SYN3: variants seen among roughly 807,000 people sequenced by gnomAD.
The protein encoded by SYN3 is synapsin-3.
SYN3 carries 35 observed loss-of-function variants against 65.8 expected under a neutral mutation model. The ratio of observed to expected loss-of-function variants is 0.53; its 90% CI spans 0.41 to 0.70. The LOEUF (loss-of-function observed/expected upper bound fraction) is 0.70. Among genes scored for constraint, SYN3 ranks in the 30% least tolerant of loss-of-function variants. The pLI is 0.00. For synonymous variants in SYN3, 270 were observed against 292.9 expected, an observed-to-expected ratio of 0.92 and a Z score of 0.80; for missense variants, 680 against 749.0, an observed-to-expected ratio of 0.91 and a Z score of 1.08.
At chr22:32,572,962 G>GC (rs1465468205) in intron 7 of SYN3, among the ~76,000 whole-genome samples, 1 of 152,252 alleles carries the variant, frequency 6.6e-6, no homozygotes, top group African/African-American at 2.4e-5. Flanking sequence ...AGGGCTGGAA[G>GC]CAATGGTGTC....
At chr22:32,872,587 T>C (rs137494) in intron 4 of SYN3, among the ~76,000 whole-genome samples, 35,667 of 152,202 alleles carry the variant, frequency 0.23, 4,670 homozygotes, top group East Asian at 0.5. Flanking sequence ...GCATGTGTTA[T>C]AGAGTGAATT....
At chr22:32,964,114 C>T (rs2051746646) in intron 3 of SYN3, among the ~76,000 whole-genome samples, 1 of 151,948 alleles carries the variant, frequency 6.6e-6, no homozygotes, top group Non-Finnish European at 1.5e-5. Context: ...ACGACATGAA[C>T]CTCAGGGCTG....
intron 6 of SYN3, among the ~76,000 whole-genome samples, chr22:32,615,639 G>A (rs1223862110): frequency 6.6e-6 from 1 of 151,990 alleles, no homozygotes; most frequent in African/African-American, 2.4e-5. Context: ...GGGATAGCAC[G>A]CTCTAATAAG....
chr22:32,836,940 T>C lies in SYN3; in HGVS notation c.711+27975A>G, dbSNP rs559199222. Among the ~76,000 whole-genome samples, 68 of 152,334 alleles carry C rather than the reference T, an allele frequency of 4.5e-4. 1 individual carries two copies. Among genetic ancestry groups the C allele is most frequent in the African/African-American group, 1.6e-3 (66 of 41,592 alleles). ...AAGAAAGTCTCCTGCCCACTCCTGG[T>C]GCATTCTGGGAACAGATTTGCTGTC... On this transcript the variant is annotated intron_variant, in intron 6 of 13. Coordinates refer to ENST00000358763, the MANE Select transcript of SYN3 (RefSeq NM_003490.4).
intron 1 of SYN3, among the ~76,000 whole-genome samples, chr22:33,038,889 G>A (rs2053909631): frequency 6.6e-6 from 1 of 152,200 alleles, no homozygotes; most frequent in African/African-American, 2.4e-5. Flanking sequence ...GCAGGCGGAA[G>A]CCCCGGGGCT....
chr22:32,565,848 G>A lies in SYN3; in HGVS notation c.775-24135C>T, dbSNP rs139971846. On this transcript the variant is annotated intron_variant, in intron 7 of 13. Transcript: ENST00000358763. ...TGCCTCAGCCCCCCCGAGTAGCTGC[G>A]ACTACAGGCACCCACCACCACGCCC... is the stretch of plus-strand genomic sequence containing the variant. Among the ~76,000 whole-genome samples the A allele has an allele frequency of 6.5e-3, 989 of 151,926 alleles. 15 individuals are homozygous for A. The highest frequency in any genetic ancestry group is 0.022 in the African/African-American group (925 of 41,414).
At chr22:32,606,315 T>G (rs1403725091) in intron 6 of SYN3, among the ~76,000 whole-genome samples, 2 of 152,276 alleles carry the variant, frequency 1.3e-5, no homozygotes, top group East Asian at 3.9e-4. Flanking sequence ...GTGGTAGACA[T>G]TTAAAACAGA....
intron 1 of SYN3, among the ~76,000 whole-genome samples, chr22:33,014,816 G>A (rs1447953630): frequency 1.3e-5 from 2 of 152,184 alleles, no homozygotes; most frequent in Non-Finnish European, 2.9e-5. Flanking sequence ...GACAAGAGTC[G>A]TAGAAGCGGT....
chr22:33,019,006 C>T (rs1345623263), intron 1 of SYN3, among the ~76,000 whole-genome samples: 1 of 152,162 alleles, frequency 6.6e-6, no homozygotes, highest in Non-Finnish European at 1.5e-5. Flanking sequence ...GCTCTCTCCC[C>T]TTGCCTATTA....
chr22:32,533,398 T>A (rs1490584180), intron 10 of SYN3, among the ~76,000 whole-genome samples: 1 of 152,090 alleles, frequency 6.6e-6, no homozygotes, highest in East Asian at 1.9e-4. Flanking sequence ...CCATGTTTGT[T>A]GAATGAACAA....
intron 7 of SYN3, among the ~76,000 whole-genome samples, chr22:32,559,661 TA>T (rs1356331167): frequency 6.6e-6 from 1 of 151,600 alleles, no homozygotes; most frequent in Non-Finnish European, 1.5e-5. Flanking sequence ...CCATCTCTAC[TA>T]AAAAAATACA....
rs61464794 is a variant in SYN3, at chr22:32,869,367, T to TCTCTCTCTCTCTCTCTCACA, written c.462-243_462-242insTGTGAGAGAGAGAGAGAGAG. ...CTCTCTCTCTCTCTCTCTCTCTCTC[T>TCTCTCTCTCTCTCTCTCACA]CACAGGCTCTTTCCTAAATTCCCTG... is the stretch of plus-strand genomic sequence containing the variant. On this transcript the variant is annotated intron_variant, in intron 4 of 13. Transcript: ENST00000358763. Among the ~76,000 whole-genome samples, 57 of 142,468 alleles carry TCTCTCTCTCTCTCTCTCACA rather than the reference T, an allele frequency of 4.0e-4. 1 individual carries two copies. Among genetic ancestry groups the TCTCTCTCTCTCTCTCTCACA allele is most frequent in the African/African-American group, 1.5e-3 (55 of 37,864 alleles). The allele number at this position is 142,468 out of a possible 152,430, so 93.5% of individuals were successfully genotyped here. A position where few individuals can be genotyped will look rare whatever the true frequency, so the allele number is the denominator to read the frequency against.
intron 7 of SYN3, among the ~76,000 whole-genome samples, chr22:32,585,990 ACG>A (rs2059025240): frequency 2.4e-5 from 2 of 82,802 alleles, no homozygotes; most frequent in Admixed American, 1.3e-4. Flanking sequence ...ATGTATGTAT[ACG>A]TATATATGTA....
At chr22:32,709,279 A>G (rs1348234369) in intron 6 of SYN3, among the ~76,000 whole-genome samples, 1 of 152,248 alleles carries the variant, frequency 6.6e-6, no homozygotes, top group Admixed American at 6.5e-5. Context: ...ATTCTGAGGA[A>G]CAACTTGAAC....
chr22:33,044,710 C>G (rs1355547060), intron 1 of SYN3, among the ~76,000 whole-genome samples: 1 of 151,870 alleles, frequency 6.6e-6, no homozygotes, highest in African/African-American at 2.4e-5. Context: ...CCAGCTCCCC[C>G]TAGGGTTTCT....
At chr22:32,832,517 A>G (rs1039109310) in intron 6 of SYN3, among the ~76,000 whole-genome samples, 1 of 151,764 alleles carries the variant, frequency 6.6e-6, no homozygotes, top group Non-Finnish European at 1.5e-5. Context: ...TTGCTATTCA[A>G]TACTTTCTAC....
intron 6 of SYN3, among the ~76,000 whole-genome samples, chr22:32,843,870 C>T (rs985124483): frequency 2.6e-5 from 4 of 152,100 alleles, no homozygotes; most frequent in African/African-American, 9.7e-5. Context: ...TTTTAAAAAC[C>T]ATGCCTTAAA....
chr22:32,937,879 G>A (rs1008973883), intron 3 of SYN3, among the ~76,000 whole-genome samples: 1 of 152,110 alleles, frequency 6.6e-6, no homozygotes, highest in African/African-American at 2.4e-5. Flanking sequence ...CAGAACCTCA[G>A]TGAGTTATGG....
intron 7 of SYN3, among the ~76,000 whole-genome samples, chr22:32,587,136 C>T (rs1229145777): frequency 6.7e-6 from 1 of 149,610 alleles, no homozygotes; most frequent in African/African-American, 2.5e-5. Context: ...GCAGGAGAAT[C>T]GCTTGAACCT....
Sources: allele counts gnomAD v4.1 joint callset (sites outside exome capture counted in the v4.1 genomes callset), GRCh38; gene constraint gnomAD v4.1.1; transcripts MANE v1.5; gene names NCBI Gene and HGNC (gene_info 2026-07-23, HGNC 2026-07-21).